Variants in CCDC93 observed in about 807,000 individuals in gnomAD.
CCDC93 encodes coiled-coil domain-containing protein 93.
In CCDC93, 61 loss-of-function variants were observed where a neutral mutation model predicts 108.2. The observed-to-expected ratio is 0.56, with a 90% confidence interval of 0.46 to 0.70. The LOEUF is 0.70. Ranked by LOEUF, CCDC93 falls within the 30% of genes least tolerant of loss-of-function variation. The probability of loss-of-function intolerance (pLI) is 0.00; values close to 1 mark genes in which losing one functional copy is unlikely to be tolerated. For missense variants in CCDC93, 685 were observed against 764.2 expected, an observed-to-expected ratio of 0.90 and a Z score of 1.22; for synonymous variants, 276 against 260.4, an observed-to-expected ratio of 1.06 and a Z score of -0.58.
At chr2:117,959,295 T>C (rs1679315873) in intron 11 of CCDC93, among the ~76,000 whole-genome samples, 2 of 152,246 alleles carry the variant, frequency 1.3e-5, no homozygotes, top group South Asian at 4.1e-4. Flanking sequence ...TAGACCGTTT[T>C]GCAATAAGTG....
intron 12 of CCDC93, among the ~76,000 whole-genome samples, chr2:117,957,157 C>A (rs1472828753): frequency 1.3e-5 from 2 of 152,184 alleles, no homozygotes; most frequent in African/African-American, 4.8e-5. Flanking sequence ...TCCCAAAGTG[C>A]TGGGATTACA....
chr2:117,956,374 C>A (rs529093714), intron 12 of CCDC93, among the ~76,000 whole-genome samples: 1 of 152,312 alleles, frequency 6.6e-6, no homozygotes. Context: ...TCAGCTGGAC[C>A]AAGAATGAGT....
chr2:117,916,429 T>C lies in CCDC93; in HGVS notation c.*3914A>G, dbSNP rs569181838. The C allele has an allele frequency of 2.0e-5, 3 of 152,278 alleles. No homozygotes were observed. The East Asian group carries it at 5.8e-4, about 29-fold the overall frequency. 9.4% of individuals were successfully genotyped at this position (152,278 alleles called of 1,614,324 possible). On this transcript the variant is annotated 3_prime_UTR_variant, in exon 24 of 24. Coordinates refer to ENST00000376300, the MANE Select transcript of CCDC93 (RefSeq NM_019044.5). ...CAAACTTCAAGGTTACAGTATAACA[T>C]ACTCTGAGAGAGACCCTCTAAAGTT... is the stretch of plus-strand genomic sequence containing the variant.
Position 117,974,012 on chromosome 2 carries a change from G to C in CCDC93, c.802-18C>G, listed in dbSNP as rs1482766979. ...AGACGGCTCTGCAAGTATATGGAGGGAATGTTCTCAAGGCCAAGCCTTGTC... is the reference window on the plus strand; with the variant it reads ...AGACGGCTCTGCAAGTATATGGAGGCAATGTTCTCAAGGCCAAGCCTTGTC... On this transcript the variant is annotated intron_variant, in intron 10 of 23. Coordinates refer to ENST00000376300, the MANE Select transcript of CCDC93 (RefSeq NM_019044.5). 6.4e-7 allele frequency: 1 copy of C among 1,561,124 alleles called. No homozygotes were observed. The highest frequency in any genetic ancestry group is 8.8e-7 in the Non-Finnish European group (1 of 1,137,856).
chr2:117,975,254 TG>T lies in CCDC93; in HGVS notation c.683del (p.Pro228GlnfsTer29). On this transcript the variant is annotated frameshift_variant, in exon 9 of 24. Coordinates refer to ENST00000376300, the MANE Select transcript of CCDC93 (RefSeq NM_019044.5). LOFTEE classifies it high-confidence loss of function. ...EKAEDKKTAL[P>X]AGLSATEKAD... The stretch of plus-strand genomic sequence containing the variant: ...CTTTTTCTGTAGCTGACAGCCCTGC[TG>T]GAAGTGCCGTTTTCTTGTCCTCAGC... 2 of 1,613,662 alleles carry T rather than the reference TG, an allele frequency of 1.2e-6. No homozygotes were observed. The highest frequency in any genetic ancestry group is 1.7e-6 in the Non-Finnish European group (2 of 1,179,972).
rs1352896320 is a variant in CCDC93 at position 117,935,542 on chromosome 2, G to A, written c.1681C>T (p.Arg561Cys). The part of the protein sequence containing the change: ...ASPAARDQFL[R>C]QMEQIVEGIK... ...CCTTCCACAATCTGTTCCATCTGAC[G>A]TAAAAACTGGTCCCGGGCAGCAGGG... The change falls in exon 22 of 24, where the codon CGT (arginine) becomes TGT (cysteine). Residue 561 changes from arginine (R) to cysteine (C), a missense_variant. Arg to Cys is a radical substitution (Grantham distance 180). Transcript: ENST00000376300. The A allele has an allele frequency of 6.2e-6, 10 of 1,613,852 alleles. No individual in the cohort carries two copies. The East Asian group carries it at 6.7e-5, about 11-fold the overall frequency.
chr2:118,001,174 T>C (rs1017043310), intron 3 of CCDC93: 2 of 399,274 alleles, frequency 5.0e-6, no homozygotes, highest in Non-Finnish European at 8.9e-6. Context: ...CTTCCTACTT[T>C]TTTGGATGTA....
intron 23 of CCDC93, among the ~76,000 whole-genome samples, chr2:117,920,725 A>C (rs951805939): frequency 7.9e-5 from 12 of 152,106 alleles, no homozygotes; most frequent in African/African-American, 2.9e-4. Context: ...GTCTTGGCCT[A>C]CTATGGTGAG....
At chr2:117,974,775 C>G in intron 10 of CCDC93, 75 bp downstream of exon 10, 1 of 1,116,292 alleles carries the variant, frequency 9.0e-7, no homozygotes, top group South Asian at 1.3e-5. Context: ...AGAAGGTGGG[C>G]TCTCTGGGAG....
At chr2:117,920,489 T>G in intron 23 of CCDC93, 93 bp from the exon 24 acceptor site, 2 of 808,482 alleles carry the variant, frequency 2.5e-6, no homozygotes, top group Non-Finnish European at 4.0e-6. Flanking sequence ...CATATCCCTA[T>G]GGGAGACATC....
At chr2:117,945,754 T>A (rs1678851218) in intron 16 of CCDC93, among the ~76,000 whole-genome samples, 172 bp from the exon 17 acceptor site, 1 of 152,200 alleles carries the variant, frequency 6.6e-6, no homozygotes, top group Non-Finnish European at 1.5e-5. Context: ...TGCCCTTAGA[T>A]GAGCAGCAGA....
chr2:117,941,109 C>G, intron 19 of CCDC93, 80 bp downstream of exon 19: 4 of 975,398 alleles, frequency 4.1e-6, no homozygotes, highest in Non-Finnish European at 6.5e-6. Context: ...CTGGTGCATG[C>G]TCCCCCATGC....
chr2:117,935,847 A>G (rs1678504437), intron 21 of CCDC93: 2 of 314,706 alleles, frequency 6.4e-6, no homozygotes, highest in Non-Finnish European at 1.2e-5. Context: ...ACTAATATGT[A>G]TTTTCTTGCA....
At chr2:117,929,052 T>C (rs538113393) in intron 23 of CCDC93, among the ~76,000 whole-genome samples, 27 of 151,348 alleles carry the variant, frequency 1.8e-4, no homozygotes, top group East Asian at 1.2e-3. Context: ...TAGTTGGGAA[T>C]TGAACAATGA....
At chr2:117,996,219 ACT>A (rs761014602) in intron 5 of CCDC93, 43 bp downstream of exon 5, 5 of 1,288,486 alleles carry the variant, frequency 3.9e-6, no homozygotes, top group Admixed American at 3.4e-5. Context: ...TTAAGTGTGC[ACT>A]CTGTTTCTCA....
intron 17 of CCDC93, chr2:117,944,630 T>A (rs1048346261): frequency 4.5e-6 from 2 of 444,684 alleles, no homozygotes; most frequent in African/African-American, 4.0e-5. Flanking sequence ...GTAAGAGACA[T>A]GGCTGGATGG....
intron 7 of CCDC93, among the ~76,000 whole-genome samples, chr2:117,978,313 T>A (rs1405189538): frequency 2.0e-5 from 3 of 152,228 alleles, no homozygotes; most frequent in Non-Finnish European, 4.4e-5. Flanking sequence ...ACTTTTTGAA[T>A]CAGCCACTGC....
Position 117,918,093 on chromosome 2 carries a change from C to T in CCDC93, c.*2250G>A, listed in dbSNP as rs1677743817. On this transcript the variant is annotated 3_prime_UTR_variant, in exon 24 of 24. Coordinates refer to ENST00000376300, the MANE Select transcript of CCDC93 (RefSeq NM_019044.5). ...CCTGGGAAGATGACCCCTTCTGGTG[C>T]TCCAGGTGGCTTCTGAAATGATCAG... 2 of 152,248 alleles carry T rather than the reference C, an allele frequency of 1.3e-5. No individual in the cohort carries two copies. Among genetic ancestry groups the T allele is most frequent in the Non-Finnish European group, 1.5e-5 (1 of 68,078 alleles). The allele number at this position is 152,248 out of a possible 1,614,324, so 9.4% of individuals were successfully genotyped here.
chr2:117,928,686 G>C lies in CCDC93; in HGVS notation c.1842+2351C>G, dbSNP rs559896635. ...GGGACTGTAAACTAGTTCAACCATT[G>C]TGGAAGTCAGTGTGGCGATTCCTCA... On this transcript the variant is annotated intron_variant, in intron 23 of 23. Transcript: ENST00000376300. Among the ~76,000 whole-genome samples the C allele has an allele frequency of 5.9e-3, 895 of 152,314 alleles. 15 individuals carry two copies. Among genetic ancestry groups the C allele is most frequent in the African/African-American group, 0.019 (787 of 41,566 alleles).
Sources: gnomAD v4.1 joint callset for allele counts (sites outside exome capture counted in the v4.1 genomes callset) on GRCh38, gnomAD v4.1.1 for gene constraint, MANE v1.5 for transcripts, NCBI Gene and HGNC (gene_info 2026-07-23, HGNC 2026-07-21) for gene names.